The following GLIS3 variants were observed in gnomAD, a reference collection of about 807,000 sequenced individuals.
The protein encoded by GLIS3 is zinc finger protein GLIS3.
Under a neutral mutation model 78.6 loss-of-function variants are expected in GLIS3, and 53 were observed. The observed-to-expected ratio is 0.67, with a 90% CI of 0.54 to 0.85. The LOEUF (loss-of-function observed/expected upper bound fraction) is 0.85, where lower values mean the gene tolerates loss of function less well. Ranked by LOEUF, GLIS3 falls within the 40% of genes least tolerant of loss-of-function variation. The probability of loss-of-function intolerance (pLI) is 0.00; values close to 1 mark genes in which losing one functional copy is unlikely to be tolerated. For missense variants in GLIS3, 1,703 were observed against 1,231.1 expected (o/e 1.38, Z -5.74); for synonymous variants, 684 against 509.9 (o/e 1.34, Z -4.60).
At chr9:3,847,878 G>A (rs10973775) in intron 9 of GLIS3, among the ~76,000 whole-genome samples, 31,688 of 152,088 alleles carry the variant, frequency 0.21, 4,111 homozygotes, top group Middle Eastern at 0.29. Context: ...ATCAATCCCT[G>A]GTACTGTGTA....
At chr9:4,122,545 G>C (rs984475709) in intron 3 of GLIS3, among the ~76,000 whole-genome samples, 41 of 152,256 alleles carry the variant, frequency 2.7e-4, no homozygotes, top group African/African-American at 9.6e-4. Context: ...TTTTGGATCT[G>C]GAATGACATT....
At chr9:4,236,954 G>C (rs1484773004) in intron 2 of GLIS3, among the ~76,000 whole-genome samples, 2 of 151,974 alleles carry the variant, frequency 1.3e-5, no homozygotes, top group Non-Finnish European at 1.5e-5. Flanking sequence ...ATCGTCTCAG[G>C]TGAGAATCAT....
At chr9:4,312,812 G>T (rs577010322) in intron 2 of GLIS3, among the ~76,000 whole-genome samples, 75 of 152,160 alleles carry the variant, frequency 4.9e-4, no homozygotes, top group Non-Finnish European at 9.8e-4. Flanking sequence ...TTTAATCTCT[G>T]CTCCTCAGTT....
chr9:4,213,695 G>A (rs1296562668), intron 2 of GLIS3, among the ~76,000 whole-genome samples: 3 of 152,094 alleles, frequency 2.0e-5, no homozygotes, highest in East Asian at 1.9e-4. Flanking sequence ...CCTGGCATGC[G>A]AAAAAGCACT....
intron 2 of GLIS3, among the ~76,000 whole-genome samples, chr9:4,248,638 G>A (rs1011095622): frequency 3.9e-5 from 6 of 152,078 alleles, no homozygotes; most frequent in African/African-American, 1.4e-4. Context: ...TGGTATTTCT[G>A]GTTCTAGATC....
intron 4 of GLIS3, among the ~76,000 whole-genome samples, chr9:4,028,378 C>T (rs558923534): frequency 6.6e-6 from 1 of 152,280 alleles, no homozygotes; most frequent in African/African-American, 2.4e-5. Context: ...TCCTTCTCTC[C>T]TTGGGACCAA....
intron 1 of GLIS3, among the ~76,000 whole-genome samples, chr9:4,291,928 A>C (rs10974438): frequency 0.3 from 45,310 of 151,992 alleles, 7,646 homozygotes; most frequent in South Asian, 0.44. Context: ...TGCCCCAGTC[A>C]TTAACTCATC....
At chr9:4,445,529 G>C in the GLIS3 span, among the ~76,000 whole-genome samples, 1 of 152,152 alleles carries the variant, frequency 6.6e-6, no homozygotes, top group East Asian at 1.9e-4. Context: ...AGCTACTTGG[G>C]AAGCTGAGGG....
intron 2 of GLIS3, among the ~76,000 whole-genome samples, chr9:4,164,107 T>A (rs1213871285): frequency 6.6e-6 from 1 of 152,206 alleles, no homozygotes; most frequent in East Asian, 1.9e-4. Flanking sequence ...ATTTCCCGGA[T>A]GTTATGAGTC....
At chr9:4,028,747 G>A (rs1588486602) in intron 4 of GLIS3, among the ~76,000 whole-genome samples, 1 of 152,238 alleles carries the variant, frequency 6.6e-6, no homozygotes, top group East Asian at 1.9e-4. Context: ...CATACAAGTG[G>A]CAAATGGAAA....
intron 2 of GLIS3, among the ~76,000 whole-genome samples, chr9:4,144,380 G>A (rs75582656): frequency 0.034 from 5,254 of 152,314 alleles, 101 homozygotes; most frequent in Admixed American, 0.07. Context: ...CTAAATGCAT[G>A]AAGAGAGGGC....
At chr9:4,214,900 G>C (rs1036573203) in intron 2 of GLIS3, among the ~76,000 whole-genome samples, 1 of 152,208 alleles carries the variant, frequency 6.6e-6, no homozygotes, top group Non-Finnish European at 1.5e-5. Flanking sequence ...ATTTATCCAA[G>C]AGGGGATTCA....
At chr9:4,363,532 T>C in the GLIS3 span, among the ~76,000 whole-genome samples, 1 of 152,214 alleles carries the variant, frequency 6.6e-6, no homozygotes, top group African/African-American at 2.4e-5. Context: ...TCAAACATAT[T>C]TAAGATACTT....
rs71324277 is a variant in GLIS3, at chr9:3,985,096, CAA to C, written c.1711-47909_1711-47908del. 1.5e-3 allele frequency among the ~76,000 whole-genome samples: 216 copies of C among 142,196 alleles called. 1 individual carries two copies. The highest frequency in any genetic ancestry group is 2.9e-3 in the African/African-American group (113 of 38,658). 93.3% of individuals were successfully genotyped at this position (142,196 alleles called of 152,430 possible). On this transcript the variant is annotated intron_variant, in intron 4 of 10. Transcript: ENST00000381971. ...ACAGACTAGTACAGAGCTCAATTCA[CAA>C]AAAAAAAAAAACCCATTTTTCCTCA...
Position 4,109,305 on chromosome 9 carries a change from T to C in GLIS3, c.1710+8463A>G, listed in dbSNP as rs1186938612. Among the ~76,000 whole-genome samples, 3 of 152,224 alleles carry C rather than the reference T, an allele frequency of 2.0e-5. No homozygotes were observed. The South Asian group carries it at 6.2e-4, about 31-fold the overall frequency. On this transcript the variant is annotated intron_variant, in intron 4 of 10. Transcript: ENST00000381971. ...TATTTAACTAATGGAAAGCTACTCATACACAGGATAATGTATGCAGCCTCT... is the reference window on the plus strand; with the variant it reads ...TATTTAACTAATGGAAAGCTACTCACACACAGGATAATGTATGCAGCCTCT...
At position 4,299,939 on chromosome 9, in the gene GLIS3, T is replaced by TCGCCGC. The variant is rs1417399967; in HGVS notation, c.-623_-618dup. On this transcript the variant is annotated 5_prime_UTR_variant, in exon 1 of 11. Transcript: ENST00000381971. ...CCGGGAGGGGCAGTGGCCGCGGCACTCGCCGCCGGTGCCCGTGCGCGCCGC... is the reference window on the plus strand; with the variant it reads ...CCGGGAGGGGCAGTGGCCGCGGCACTCGCCGCCGCCGCCGGTGCCCGTGCGCGCCGC... 6.6e-6 allele frequency: 1 copy of TCGCCGC among 151,738 alleles called. No individual in the cohort carries two copies. The highest frequency in any genetic ancestry group is 1.5e-5 in the Non-Finnish European group (1 of 67,952). The allele number at this position is 151,738 out of a possible 1,614,324, so 9.4% of individuals were successfully genotyped here.
intron 4 of GLIS3, among the ~76,000 whole-genome samples, chr9:4,064,652 G>A (rs985635546): frequency 1.3e-5 from 2 of 151,810 alleles, no homozygotes; most frequent in Non-Finnish European, 3.0e-5. Flanking sequence ...AAAAATGCCT[G>A]GTGTTGTGGC....
chr9:3,973,632 T>C (rs1818553507), intron 4 of GLIS3, among the ~76,000 whole-genome samples: 1 of 152,182 alleles, frequency 6.6e-6, no homozygotes, highest in Non-Finnish European at 1.5e-5. Context: ...ACTATGATAC[T>C]TTACTATAAA....
chr9:4,045,220 A>T (rs1373013432), intron 4 of GLIS3, among the ~76,000 whole-genome samples: 5 of 152,182 alleles, frequency 3.3e-5, no homozygotes, highest in Non-Finnish European at 7.3e-5. Context: ...AAGCCCTATT[A>T]CTTGAAGACG....
Sources: allele counts gnomAD v4.1 joint callset (sites outside exome capture counted in the v4.1 genomes callset), GRCh38; gene constraint gnomAD v4.1.1; transcripts MANE v1.5; gene names NCBI Gene and HGNC (gene_info 2026-07-23, HGNC 2026-07-21).